CPE: variants seen among roughly 807,000 people sequenced by gnomAD.
CPE encodes carbocypeptidase E.
A neutral mutation model predicts 53.5 loss-of-function variants in CPE; 17 were observed. The ratio of observed to expected loss-of-function variants is 0.32; its 90% CI spans 0.22 to 0.48. The LOEUF (loss-of-function observed/expected upper bound fraction) is 0.48, where lower values mean the gene tolerates loss of function less well. CPE is among the 20% of genes least tolerant of loss of function. CPE has a pLI of 0.99. For synonymous variants in CPE, 226 were observed against 228.8 expected (o/e 0.99, Z 0.11); for missense variants, 524 against 614.7 (o/e 0.85, Z 1.56).
intron 1 of CPE, among the ~76,000 whole-genome samples, chr4:165,450,977 T>A (rs1731797286): frequency 6.6e-6 from 1 of 152,230 alleles, no homozygotes; most frequent in African/African-American, 2.4e-5. Context: ...AGGTTCCAAA[T>A]GGCCTTTCTC....
chr4:165,489,138 G>C (rs887961023), intron 6 of CPE, among the ~76,000 whole-genome samples: 1 of 152,198 alleles, frequency 6.6e-6, no homozygotes, highest in African/African-American at 2.4e-5. Context: ...CCTTTGAGGA[G>C]AGCCGTATTT....
chr4:165,446,551 G>A (rs900173550), intron 1 of CPE, among the ~76,000 whole-genome samples: 8 of 152,154 alleles, frequency 5.3e-5, no homozygotes, highest in African/African-American at 1.9e-4. Context: ...CCAGGTTGGA[G>A]TGCAGTGGCG....
rs1458848933 is a variant in CPE at position 165,497,993 on chromosome 4, G to A, written c.*383G>A. 2 of 152,930 alleles carry A rather than the reference G, an allele frequency of 1.3e-5. No individual in the cohort carries two copies. Among genetic ancestry groups the A allele is most frequent in the African/African-American group, 4.8e-5 (2 of 41,460 alleles). 9.5% of individuals were successfully genotyped at this position (152,930 alleles called of 1,614,324 possible). A position where few individuals can be genotyped will look rare whatever the true frequency, so the allele number is the denominator to read the frequency against. On this transcript the variant is annotated 3_prime_UTR_variant, in exon 9 of 9. Transcript: ENST00000402744. ...TTGGTGACAATGTCACATAATGAAT[G>A]CTATTGAAAAGGTTAACAGATACAG... is the stretch of plus-strand genomic sequence containing the variant.
At chr4:165,417,374 C>G (rs180861029) in intron 1 of CPE, among the ~76,000 whole-genome samples, 45 of 152,232 alleles carry the variant, frequency 3.0e-4, no homozygotes, top group Admixed American at 1.2e-3. Flanking sequence ...AGAGCAGTTT[C>G]TAAGAGCCTG....
At chr4:165,397,696 C>T (rs1233356372) in intron 1 of CPE, among the ~76,000 whole-genome samples, 2 of 152,026 alleles carry the variant, frequency 1.3e-5, no homozygotes, top group Admixed American at 1.3e-4. Flanking sequence ...AGGATTATCT[C>T]CCTTTTATAG....
At chr4:165,450,215 G>T (rs569591411) in intron 1 of CPE, among the ~76,000 whole-genome samples, 1 of 152,254 alleles carries the variant, frequency 6.6e-6, no homozygotes, top group South Asian at 2.1e-4. Context: ...GGAAGGGACA[G>T]GTGAAATACT....
At position 165,396,283 on chromosome 4, in the gene CPE, G is replaced by C. The variant is rs1008712077; in HGVS notation, c.307+16755G>C. 2.0e-5 allele frequency among the ~76,000 whole-genome samples: 3 copies of C among 152,050 alleles called. No individual in the cohort carries two copies. The East Asian group carries it at 5.8e-4, about 29-fold the overall frequency. On this transcript the variant is annotated intron_variant, in intron 1 of 8. Transcript: ENST00000402744. ...TGGTATGACCCACCATGCTCTCTCT[G>C]TCTCTCTCTGTAACTCCTACAACTT...
chr4:165,383,391 G>T lies in CPE; in HGVS notation c.307+3863G>T, dbSNP rs776777708. Among the ~76,000 whole-genome samples the T allele has an allele frequency of 8.5e-5, 13 of 152,056 alleles. No homozygotes were observed. In the East Asian group the frequency reaches 9.6e-4, roughly 11 times the overall value. On this transcript the variant is annotated intron_variant, in intron 1 of 8. Transcript: ENST00000402744. ...TCATCGAAATACAGTACTCATAAAA[G>T]AAACCTTTATTAACTTATGTCTAAG...
chr4:165,460,427 C>A (rs1001045), intron 1 of CPE, among the ~76,000 whole-genome samples: 1 of 151,926 alleles, frequency 6.6e-6, no homozygotes, highest in East Asian at 1.9e-4. Context: ...AATTAATCTT[C>A]TTGATGGGAA....
intron 1 of CPE, among the ~76,000 whole-genome samples, chr4:165,454,337 G>A (rs1019668382): frequency 6.6e-6 from 1 of 151,188 alleles, no homozygotes; most frequent in Non-Finnish European, 1.5e-5. Flanking sequence ...GTTCGACACC[G>A]CAAGTCTTTC....
chr4:165,450,000 G>A (rs920061736), intron 1 of CPE, among the ~76,000 whole-genome samples: 3 of 152,096 alleles, frequency 2.0e-5, no homozygotes, highest in African/African-American at 7.2e-5. Context: ...ATGAAGTTCA[G>A]TATAACATTT....
intron 1 of CPE, among the ~76,000 whole-genome samples, chr4:165,413,805 T>C (rs1866225): frequency 0.3 from 45,157 of 152,010 alleles, 6,892 homozygotes; most frequent in Middle Eastern, 0.4. Context: ...CCTCTGGCAT[T>C]GACGTGCTTG....
At chr4:165,477,335 A>C (rs776638844) in intron 3 of CPE, among the ~76,000 whole-genome samples, 1 of 152,242 alleles carries the variant, frequency 6.6e-6, no homozygotes, top group Non-Finnish European at 1.5e-5. Flanking sequence ...CTTTTCATAA[A>C]GGTAAATTAA....
chr4:165,456,299 A>G (rs1731900029), intron 1 of CPE, among the ~76,000 whole-genome samples: 1 of 152,150 alleles, frequency 6.6e-6, no homozygotes, highest in African/African-American at 2.4e-5. Flanking sequence ...AGTAACTGCT[A>G]GGATAACTTA....
At chr4:165,479,925 G>T (rs1732373284) in intron 3 of CPE, among the ~76,000 whole-genome samples, 1 of 150,356 alleles carries the variant, frequency 6.7e-6, no homozygotes, top group African/African-American at 2.5e-5. Context: ...CCGGGAGGCG[G>T]AGCTTGCAGT....
At chr4:165,414,557 A>G (rs1212408388) in intron 1 of CPE, among the ~76,000 whole-genome samples, 1 of 149,556 alleles carries the variant, frequency 6.7e-6, no homozygotes, top group Non-Finnish European at 1.5e-5. Context: ...CAGCCTTAGC[A>G]GTATTCTCTT....
At chr4:165,418,451 G>A (rs1165139949) in intron 1 of CPE, among the ~76,000 whole-genome samples, 1 of 152,144 alleles carries the variant, frequency 6.6e-6, no homozygotes, top group Admixed American at 6.6e-5. Context: ...TGTAGTTTGA[G>A]GTTTTTGGGG....
intron 1 of CPE, among the ~76,000 whole-genome samples, chr4:165,403,323 T>TA (rs532784430): frequency 2.0e-4 from 30 of 150,666 alleles, no homozygotes; most frequent in African/African-American, 5.1e-4. Flanking sequence ...TGTAAGAAAT[T>TA]AAAAAAAAAA....
At chr4:165,493,090 G>C in intron 6 of CPE, 81 bp from the exon 7 acceptor site, 1 of 839,254 alleles carries the variant, frequency 1.2e-6, no homozygotes, top group South Asian at 1.7e-5. Flanking sequence ...ATAAAGAGAT[G>C]CTTGATATGA....
Sources: allele counts gnomAD v4.1 joint callset (sites outside exome capture counted in the v4.1 genomes callset), GRCh38; gene constraint gnomAD v4.1.1; transcripts MANE v1.5; gene names NCBI Gene and HGNC (gene_info 2026-07-23, HGNC 2026-07-21).